WIPI2: variants seen among roughly 807,000 people sequenced by gnomAD.
WIPI2 encodes the protein WD repeat domain, phosphoinositide interacting 2.
Under a neutral mutation model 52.3 loss-of-function variants are expected in WIPI2, and 28 were observed. That is an observed-to-expected ratio of 0.54 (90% CI 0.40 to 0.73). The LOEUF (loss-of-function observed/expected upper bound fraction) is 0.73, where lower values mean the gene tolerates loss of function less well. Ranked by LOEUF, WIPI2 falls within the 30% of genes least tolerant of loss-of-function variation. The probability of loss-of-function intolerance (pLI) is 0.00; values close to 1 mark genes in which losing one functional copy is unlikely to be tolerated. For synonymous variants in WIPI2, 268 were observed against 245.0 expected (o/e 1.09, Z -0.88); for missense variants, 506 against 602.9 (o/e 0.84, Z 1.68).
chr7:5,228,117 C>A lies in WIPI2; in HGVS notation c.1027C>A (p.Pro343Thr). The A allele has an allele frequency of 6.2e-7, 1 of 1,613,928 alleles. No homozygotes were observed. The highest frequency in any genetic ancestry group is 8.5e-7 in the Non-Finnish European group (1 of 1,180,024). The change falls in exon 11 of 13, where the codon CCG becomes ACG. Residue 343 changes from proline to threonine, a missense_variant. By Grantham distance (38) the Pro-to-Thr change is conservative (BLOSUM62 -1). Coordinates refer to ENST00000288828, the MANE Select transcript of WIPI2 (RefSeq NM_015610.4). The stretch of plus-strand genomic sequence containing the variant: ...TATTCTCCCTAGAATTCAGAAGATC[C>A]CGCGGTTGTTGGTGGGTGCCGCCGA... ...ICSLATIQKIPRLLVGAADGY... is the reference protein window; with the variant it reads ...ICSLATIQKITRLLVGAADGY...
Position 5,228,194 on chromosome 7 carries a change from CCT to C in WIPI2, c.1105_1106del (p.Leu369AspfsTer15). On this transcript the variant is annotated frameshift_variant, in exon 11 of 13. Coordinates refer to ENST00000288828, the MANE Select transcript of WIPI2 (RefSeq NM_015610.4). LOFTEE classifies it high-confidence loss of function. ...ACCCCCAGGAGGGCGGCGAGTGTGC[CCT>C]GATGAAGCAGCACCGGTGAGTCTGC... is the stretch of plus-strand genomic sequence containing the variant. Reference protein sequence around the residue: ...LDPQEGGECALMKQHRLDGSL... With the variant: ...LDPQEGGECAXMKQHRLDGSL... 6.2e-7 allele frequency: 1 copy of C among 1,613,288 alleles called. No individual in the cohort carries two copies. The highest frequency in any genetic ancestry group is 8.5e-7 in the Non-Finnish European group (1 of 1,179,884).
In WIPI2 at chr7:5,229,659, C is replaced by G; in HGVS notation, c.1173C>G (p.His391Gln). ...ATGAGATCTTGGACTCTGCCTCTCA[C>G]GACTGCCCCTTAGTCACTCAGACAT... is the stretch of plus-strand genomic sequence containing the variant. The part of the protein sequence containing the change: ...TTNEILDSAS[H>Q]DCPLVTQTYG... The change falls in exon 12 of 13, where the codon CAC becomes CAG. Residue 391 changes from histidine to glutamine, a missense_variant. This residue lies in a region of WIPI2 where 194 missense variants were observed against 175.1 expected (regional missense o/e 1.11). Coordinates refer to ENST00000288828, the MANE Select transcript of WIPI2 (RefSeq NM_015610.4). 6.2e-7 allele frequency: 1 copy of G among 1,613,932 alleles called. No homozygotes were observed. The highest frequency in any genetic ancestry group is 8.5e-7 in the Non-Finnish European group (1 of 1,179,910).
At chr7:5,204,628 T>C (rs1282635232) in intron 3 of WIPI2, among the ~76,000 whole-genome samples, 1 of 152,142 alleles carries the variant, frequency 6.6e-6, no homozygotes, top group Non-Finnish European at 1.5e-5. Flanking sequence ...ATTTGGTCCG[T>C]AGAACTTAAT....
chr7:5,220,593 T>C (rs1319240174), intron 7 of WIPI2, among the ~76,000 whole-genome samples: 1 of 152,038 alleles, frequency 6.6e-6, no homozygotes, highest in East Asian at 1.9e-4. Context: ...CATGGCTCAC[T>C]GCAGCTTCCA....
chr7:5,225,721 C>A, intron 8 of WIPI2, 102 bp from the exon 9 acceptor site: 1 of 751,320 alleles, frequency 1.3e-6, no homozygotes, highest in Non-Finnish European at 2.2e-6. Flanking sequence ...TACCAGCAGG[C>A]CCAAGTGTGC....
intron 7 of WIPI2, among the ~76,000 whole-genome samples, chr7:5,220,732 TC>T (rs1240714256): frequency 6.6e-6 from 1 of 151,988 alleles, no homozygotes; most frequent in Non-Finnish European, 1.5e-5. Context: ...TGTCTTGGCC[TC>T]CCCAAGTGCT....
chr7:5,223,566 A>G (rs1197983447), intron 8 of WIPI2, among the ~76,000 whole-genome samples: 4 of 152,070 alleles, frequency 2.6e-5, no homozygotes, highest in Non-Finnish European at 5.9e-5. Flanking sequence ...GCTTCTGCCC[A>G]GTTCCCCTCC....
chr7:5,193,399 GAAGA>G (rs1781573332), intron 2 of WIPI2: 5 of 1,252,122 alleles, frequency 4.0e-6, no homozygotes, highest in Non-Finnish European at 4.2e-6. Flanking sequence ...GGGATGGAAT[GAAGA>G]AAGGGACTTG....
At chr7:5,222,062 G>T (rs1458747512) in intron 7 of WIPI2, among the ~76,000 whole-genome samples, 1 of 149,406 alleles carries the variant, frequency 6.7e-6, no homozygotes, top group Non-Finnish European at 1.5e-5. Context: ...CGATTCTTCT[G>T]CCTCAGCCTC....
At chr7:5,191,894 C>T (rs1781500720) in intron 1 of WIPI2, among the ~76,000 whole-genome samples, 1 of 152,122 alleles carries the variant, frequency 6.6e-6, no homozygotes, top group African/African-American at 2.4e-5. Flanking sequence ...TATTGAGAGT[C>T]GGAAGGGGCA....
intron 3 of WIPI2, among the ~76,000 whole-genome samples, chr7:5,211,914 G>T (rs942153541): frequency 6.6e-6 from 1 of 152,152 alleles, no homozygotes; most frequent in East Asian, 1.9e-4. Flanking sequence ...CCGCACACAC[G>T]CCCAGTACAT....
At chr7:5,197,868 C>CA (rs1781826101) in intron 2 of WIPI2, among the ~76,000 whole-genome samples, 1 of 152,166 alleles carries the variant, frequency 6.6e-6, no homozygotes, top group Non-Finnish European at 1.5e-5. Flanking sequence ...CTCTGTACCC[C>CA]GGTGCTTCCT....
chr7:5,233,255 C>G lies in WIPI2; in HGVS notation c.*2308C>G, dbSNP rs1365952531. The stretch of plus-strand genomic sequence containing the variant: ...GTTGCCCATTTCACTGCCACCAGCT[C>G]CTCTTCCTCTGCTCGAACCTATGAG... On this transcript the variant is annotated 3_prime_UTR_variant, in exon 13 of 13. Coordinates refer to ENST00000288828, the MANE Select transcript of WIPI2 (RefSeq NM_015610.4). The G allele has an allele frequency of 6.6e-6, 1 of 152,288 alleles. No homozygotes were observed. The highest frequency in any genetic ancestry group is 1.5e-5 in the Non-Finnish European group (1 of 68,116). 9.4% of individuals were successfully genotyped at this position (152,288 alleles called of 1,614,324 possible). A position where few individuals can be genotyped will look rare whatever the true frequency, so the allele number is the denominator to read the frequency against.
At chr7:5,218,071 A>C in intron 7 of WIPI2, 57 bp downstream of exon 7, 1 of 1,579,010 alleles carries the variant, frequency 6.3e-7, no homozygotes, top group Non-Finnish European at 8.7e-7. Context: ...AGACTTTTTC[A>C]GTTCTGTTCA....
chr7:5,214,091 T>C (rs570204048), intron 3 of WIPI2: 29 of 283,856 alleles, frequency 1.0e-4, no homozygotes, highest in African/African-American at 6.0e-4. Flanking sequence ...TGTGTGATTC[T>C]TTGGCCAGCC....
Position 5,232,176 on chromosome 7 carries a change from T to C in WIPI2, c.*1229T>C, listed in dbSNP as rs1783756942. On this transcript the variant is annotated 3_prime_UTR_variant, in exon 13 of 13. Coordinates refer to ENST00000288828, the MANE Select transcript of WIPI2 (RefSeq NM_015610.4). ...GATGGTTTTAGAATCTATGGAGTGG[T>C]GGAAGTTACGGATAGAAGGGAAAAG... 1 of 398,676 alleles carries C rather than the reference T, an allele frequency of 2.5e-6. No individual in the cohort carries two copies. Among genetic ancestry groups the C allele is most frequent in the South Asian group, 1.3e-4 (1 of 7,864 alleles). 24.7% of individuals were successfully genotyped at this position (398,676 alleles called of 1,614,324 possible). A position where few individuals can be genotyped will look rare whatever the true frequency, so the allele number is the denominator to read the frequency against.
intron 3 of WIPI2, among the ~76,000 whole-genome samples, chr7:5,205,239 G>A (rs1007770189): frequency 6.6e-5 from 10 of 152,206 alleles, no homozygotes; most frequent in Admixed American, 2.6e-4. Context: ...GCTTCCCAAA[G>A]TGCTGGGATT....
chr7:5,204,800 C>T (rs563988150), intron 3 of WIPI2, among the ~76,000 whole-genome samples: 7 of 152,254 alleles, frequency 4.6e-5, no homozygotes, highest in African/African-American at 1.7e-4. Context: ...CCTCCCCCTT[C>T]TTGCATAGCT....
rs780839513 is a variant in WIPI2, at chr7:5,230,823, G to A, written c.1253-12G>A. ...CCAGCCTTTGAAGGGTGACTTCGTC[G>A]TCTCTTTGCAGCCTACACAGACGAC... On this transcript the variant is annotated splice_polypyrimidine_tract_variant and intron_variant, in intron 12 of 12. Transcript: ENST00000288828. The surrounding 1 kb of genome is among the most constrained non-coding windows in gnomAD (Gnocchi z 4.8). The A allele has an allele frequency of 3.9e-5, 63 of 1,608,066 alleles. No individual in the cohort carries two copies. In the Admixed American group the frequency reaches 4.2e-4, roughly 11 times the overall value.
Sources: allele counts gnomAD v4.1 joint callset (sites outside exome capture counted in the v4.1 genomes callset), GRCh38; gene constraint gnomAD v4.1.1; regional missense constraint gnomAD v4.1.1; non-coding constraint Gnocchi (gnomAD v3.1); transcripts MANE v1.5; gene names NCBI Gene and HGNC (gene_info 2026-07-23, HGNC 2026-07-21).